The following F8 variants were observed in gnomAD, a reference collection of about 807,000 sequenced individuals.
F8 encodes the protein coagulation factor VIII.
F8 carries 12 observed loss-of-function variants against 140.6 expected under a neutral mutation model. The ratio of observed to expected loss-of-function variants is 0.09; its 90% CI spans 0.05 to 0.14. The LOEUF (loss-of-function observed/expected upper bound fraction) is 0.14. F8 is among the 10% of genes least tolerant of loss of function. The pLI, the probability that F8 is intolerant of heterozygous loss-of-function variation, is 1.00. For synonymous variants in F8, 585 were observed against 614.6 expected (o/e 0.95, Z 0.71); for missense variants, 1,354 against 1,720.7 (o/e 0.79, Z 3.77).
chrX:154,980,432 G>A (rs1227484774), intron 6 of F8, among the ~76,000 whole-genome samples: 1 of 111,556 alleles, frequency 9.0e-6, no homozygotes, highest in African/African-American at 3.3e-5. Context: ...AGTTTGTTGA[G>A]TTTTCTTAAA....
At chrX:154,906,354 T>C (rs1318392751) in intron 15 of F8, 66 bp downstream of exon 15, 6 of 1,067,551 alleles carry the variant, frequency 5.6e-6, no homozygotes, top group Non-Finnish European at 7.6e-6. Flanking sequence ...TGGGAATACA[T>C]TATAGTCAGC....
At chrX:155,011,315 G>A (rs903615469) in intron 1 of F8, among the ~76,000 whole-genome samples, 9 of 112,198 alleles carry the variant, frequency 8.0e-5, no homozygotes, top group Admixed American at 7.5e-4. Flanking sequence ...TCTCAACAAC[G>A]TAAGTCATCA....
At chrX:154,952,106 T>C (rs1557280779) in intron 12 of F8, among the ~76,000 whole-genome samples, 1 of 111,496 alleles carries the variant, frequency 9.0e-6, no homozygotes, top group Non-Finnish European at 1.9e-5. Context: ...AATAGCACAA[T>C]AAGGAAATTA....
intron 1 of F8, among the ~76,000 whole-genome samples, chrX:155,015,310 G>GA (rs202031977): frequency 9.0e-6 from 1 of 110,673 alleles, no homozygotes; most frequent in African/African-American, 3.3e-5. Flanking sequence ...TAGGACAGGG[G>GA]AAAAAAAAGC....
At position 154,931,570 on chromosome X, in the gene F8, G is replaced by C. The variant is rs781792356; in HGVS notation, c.2220C>G (p.Asp740Glu). 18 of 1,209,138 alleles carry C rather than the reference G, an allele frequency of 1.5e-5. No homozygotes were observed. In the African/African-American group the frequency reaches 1.6e-4, roughly 11 times the overall value. ...AGTATGCTGAAATATCTTCATAACT[G>C]TCCTCGTAATAATCACCAGTGTTCT... ...CDKNTGDYYE[D>E]SYEDISAYLL... The change falls in exon 14 of 26, where the codon GAC becomes GAG. Residue 740 changes from aspartate (D) to glutamate (E), a missense_variant. Physicochemically the swap from Asp to Glu is conservative, Grantham distance 45 (BLOSUM62 2). Transcript: ENST00000360256.
At chrX:154,973,468 G>A (rs1346241912) in intron 6 of F8, among the ~76,000 whole-genome samples, 4 of 112,368 alleles carry the variant, frequency 3.6e-5, no homozygotes, top group African/African-American at 1.3e-4. Flanking sequence ...TTCAATCCAT[G>A]AACATGAAAT....
At chrX:154,957,287 G>T in intron 10 of F8, 116 bp from the exon 11 acceptor site, 1 of 590,390 alleles carries the variant, frequency 1.7e-6, no homozygotes, top group Non-Finnish European at 2.8e-6. Context: ...AAGTTTCTGA[G>T]CAAGTGGAAG....
intron 10 of F8, among the ~76,000 whole-genome samples, chrX:154,958,044 A>G (rs2073374558): frequency 9.0e-6 from 1 of 111,366 alleles, no homozygotes. Context: ...CTGCTGCTCT[A>G]TCTTTGACAA....
chrX:154,929,453 C>T lies in F8; in HGVS notation c.4337G>A (p.Gly1446Glu). The change falls in exon 14 of 26, where the codon GGG becomes GAG. Residue 1446 changes from glycine (G) to glutamate (E), a missense_variant. Transcript: ENST00000360256. ...PAASYRKKDS[G>E]VQESSHFLQG... ...TAAGAAATGACTGCTTTCTTGGACC[C>T]CAGAATCTTTCTTTCTATAAGATGC... 1.7e-6 allele frequency: 2 copies of T among 1,211,304 alleles called. No individual in the cohort carries two copies. The highest frequency in any genetic ancestry group is 3.5e-5 in the African/African-American group (2 of 57,669).
chrX:154,975,965 G>A (rs1016592347), intron 6 of F8, among the ~76,000 whole-genome samples: 7 of 111,199 alleles, frequency 6.3e-5, no homozygotes, highest in Non-Finnish European at 1.3e-4. Flanking sequence ...GTGCAATGTC[G>A]GCTCACTGCA....
chrX:154,896,083 G>T lies in F8; in HGVS notation c.6423C>A (p.Thr2141=), dbSNP rs781907922. ...TAAATGACTAATTACATACCATTAA[G>T]GTTCCAGTGGAATTTCCTCGATAAG... ...WQTYRGNSTG[T]LMVFFGNVDS... The change falls in exon 22 of 26, where the codon ACC becomes ACA. Residue 2141 remains threonine (T), a synonymous_variant. Coordinates refer to ENST00000360256, the MANE Select transcript of F8 (RefSeq NM_000132.4). 1 of 1,207,299 alleles carries T rather than the reference G, an allele frequency of 8.3e-7. No homozygotes were observed. The highest frequency in any genetic ancestry group is 3.0e-5 in the East Asian group (1 of 33,772).
chrX:154,864,596 G>T (rs942732017), intron 22 of F8, among the ~76,000 whole-genome samples: 16 of 111,921 alleles, frequency 1.4e-4, no homozygotes, highest in African/African-American at 4.9e-4. Context: ...AACAATACAT[G>T]AACAACATTA....
At position 154,979,575 on chromosome X, in the gene F8, C is replaced by G. The variant is rs782455928; in HGVS notation, c.787+5112G>C. On this transcript the variant is annotated intron_variant, in intron 6 of 25. Coordinates refer to ENST00000360256, the MANE Select transcript of F8 (RefSeq NM_000132.4). ...CTCTTGGTGAAGGTGGGGTTGCTTT[C>G]TCAGGGAGTAGCTGTAGGCAGGTAG... Among the ~76,000 whole-genome samples the G allele has an allele frequency of 4.5e-5, 5 of 111,956 alleles. No individual in the cohort carries two copies. In the East Asian group the frequency reaches 1.4e-3, roughly 31 times the overall value.
intron 6 of F8, among the ~76,000 whole-genome samples, chrX:154,972,200 T>C (rs1473910662): frequency 8.9e-6 from 1 of 112,388 alleles, no homozygotes; most frequent in African/African-American, 3.2e-5. Flanking sequence ...ATTTTGTCTT[T>C]TTTATAATAG....
chrX:154,865,222 C>T (rs2072722702), intron 22 of F8, among the ~76,000 whole-genome samples: 1 of 110,847 alleles, frequency 9.0e-6, no homozygotes, highest in African/African-American at 3.3e-5. Flanking sequence ...ATCAACAATA[C>T]TTTATCTGGA....
chrX:154,843,967 A>G (rs1482009108), intron 25 of F8, among the ~76,000 whole-genome samples: 3 of 111,453 alleles, frequency 2.7e-5, no homozygotes, highest in Non-Finnish European at 5.7e-5. Context: ...TAATTTTTGT[A>G]TAAGGTGTAA....
At chrX:154,877,048 G>A (rs1277878055) in intron 22 of F8, among the ~76,000 whole-genome samples, 1 of 111,877 alleles carries the variant, frequency 8.9e-6, no homozygotes, top group Admixed American at 9.5e-5. Context: ...ATGCCATTCC[G>A]TTTTATCAGC....
At chrX:154,913,265 T>A (rs782681976) in intron 14 of F8, among the ~76,000 whole-genome samples, 182 of 111,846 alleles carry the variant, frequency 1.6e-3, no homozygotes, top group Non-Finnish European at 3.0e-3. Context: ...TTGTTTTTTT[T>A]TAAAAAATCT....
intron 13 of F8, among the ~76,000 whole-genome samples, chrX:154,932,673 T>C (rs782488872): frequency 9.9e-5 from 11 of 111,648 alleles, no homozygotes; most frequent in Non-Finnish European, 1.9e-4. Flanking sequence ...ATGTCACCAT[T>C]ATCAGGAAGT....
Sources: gnomAD v4.1 joint callset for allele counts (sites outside exome capture counted in the v4.1 genomes callset) on GRCh38, gnomAD v4.1.1 for gene constraint, MANE v1.5 for transcripts, NCBI Gene and HGNC (gene_info 2026-07-23, HGNC 2026-07-21) for gene names.